Variants in PYGB observed in about 807,000 individuals in gnomAD.
PYGB encodes glycogen phosphorylase, brain form.
PYGB carries 82 observed loss-of-function variants against 94.3 expected under a neutral mutation model. That is an observed-to-expected ratio of 0.87 (90% CI 0.73 to 1.04). The LOEUF is 1.04. Ranked by LOEUF, PYGB falls within the 50% of genes least tolerant of loss-of-function variation. The probability of loss-of-function intolerance (pLI) is 0.00; values close to 1 mark genes in which losing one functional copy is unlikely to be tolerated. For missense variants in PYGB, 1,132 were observed against 1,158.2 expected (o/e 0.98, Z 0.33); for synonymous variants, 488 against 479.1 (o/e 1.02, Z -0.24).
chr20:25,252,280 C>T (rs2092890211), intron 1 of PYGB, among the ~76,000 whole-genome samples: 1 of 152,254 alleles, frequency 6.6e-6, no homozygotes, highest in Admixed American at 6.5e-5. Context: ...GACAGCCTGG[C>T]CTCTGCCCTT....
intron 8 of PYGB, 39 bp from the exon 9 acceptor site, chr20:25,279,018 G>A (rs750224803): frequency 1.3e-6 from 2 of 1,582,510 alleles, no homozygotes; most frequent in Non-Finnish European, 1.7e-6. Flanking sequence ...GCCCACGTGG[G>A]ATGAAATGAC....
At position 25,271,457 on chromosome 20, in the gene PYGB, T is replaced by C. The variant is rs775212865; in HGVS notation, c.499T>C (p.Phe167Leu). 1.9e-6 allele frequency: 3 copies of C among 1,614,162 alleles called. No individual in the cohort carries two copies. Among genetic ancestry groups the C allele is most frequent in the Non-Finnish European group, 1.7e-6 (2 of 1,179,986 alleles). Residue 167 changes from phenylalanine (F) to leucine (L), a missense_variant, in exon 4 of 20, where the codon TTT becomes CTT. Phe to Leu is a conservative substitution (Grantham distance 22). Transcript: ENST00000216962. Reference sequence around the variant, plus strand: ...TGGAATCCGCTATGAATTTGGGATTTTTAACCAGAAGATTGTCAATGGCTG... The same window carrying C: ...TGGAATCCGCTATGAATTTGGGATTCTTAACCAGAAGATTGTCAATGGCTG... ...GYGIRYEFGI[F>L]NQKIVNGWQV...
intron 2 of PYGB, among the ~76,000 whole-genome samples, chr20:25,267,871 AT>A (rs2088231298): frequency 6.6e-6 from 1 of 152,150 alleles, no homozygotes; most frequent in Admixed American, 6.5e-5. Flanking sequence ...TCAAGGTGAC[AT>A]TTGCCCTCCT....
Position 25,248,385 on chromosome 20 carries a change from C to T in PYGB, c.207C>T (p.Ile69=), listed in dbSNP as rs1320651351. The T allele has an allele frequency of 1.1e-5, 17 of 1,589,782 alleles. No homozygotes were observed. The highest frequency in any genetic ancestry group is 1.8e-5 in the Admixed American group (1 of 57,130). ...GCGACCACCTCGTGGGCCGCTGGAT[C>T]CGCACGCAGCAGCACTACTACGAGC... ...TVRDHLVGRW[I]RTQQHYYERD... is the part of the protein sequence containing the mutation. The change falls in exon 1 of 20, where the codon ATC becomes ATT. Residue 69 remains isoleucine, a synonymous_variant. Coordinates refer to ENST00000216962, the MANE Select transcript of PYGB (RefSeq NM_002862.4).
intron 2 of PYGB, among the ~76,000 whole-genome samples, chr20:25,259,546 C>T (rs1044338748): frequency 2.0e-5 from 3 of 152,136 alleles, no homozygotes; most frequent in African/African-American, 4.8e-5. Flanking sequence ...TCGAACGGAC[C>T]GCAAGCGTGG....
rs776654899 is a variant in PYGB at position 25,276,750 on chromosome 20, G to T, written c.765G>T (p.Leu255=). Residue 255 remains leucine, a synonymous_variant, in exon 6 of 20, where the codon CTG becomes CTT. Transcript: ENST00000216962. ...CCAAGGCTCCCAACGACTTCAAGCT[G>T]CAGGACTGTACGTTCCGTGGTTCTT... is the stretch of plus-strand genomic sequence containing the variant. ...WSAKAPNDFK[L]QDFNVGDYIE... is the part of the protein sequence containing the mutation. The T allele has an allele frequency of 1.2e-6, 2 of 1,613,666 alleles. No individual in the cohort carries two copies. Among genetic ancestry groups the T allele is most frequent in the South Asian group, 1.1e-5 (1 of 91,082 alleles).
At chr20:25,280,187 C>T (rs147461318) in intron 9 of PYGB, 79 bp from the exon 10 acceptor site, 26 of 1,529,536 alleles carry the variant, frequency 1.7e-5, no homozygotes, top group Middle Eastern at 1.7e-4. Flanking sequence ...GGATCCTGGA[C>T]GCTCACCCTG....
At chr20:25,261,399 G>A (rs561792858) in intron 2 of PYGB, among the ~76,000 whole-genome samples, 19 of 152,284 alleles carry the variant, frequency 1.2e-4, no homozygotes, top group African/African-American at 3.4e-4. Flanking sequence ...GCAAACTCCA[G>A]CAGACCTGCA....
intron 1 of PYGB, among the ~76,000 whole-genome samples, chr20:25,252,361 TG>T (rs752211577): frequency 1.4e-4 from 22 of 152,242 alleles, no homozygotes; most frequent in African/African-American, 5.3e-4. Context: ...GATGTCCCTC[TG>T]GGGGGGTCGG....
rs1360352025 is a variant in PYGB, at chr20:25,276,748, C to T, written c.763C>T (p.Leu255=). The T allele has an allele frequency of 1.2e-6, 2 of 1,613,704 alleles. No homozygotes were observed. The highest frequency in any genetic ancestry group is 2.2e-5 in the South Asian group (2 of 91,086). Residue 255 remains leucine (L), a synonymous_variant, in exon 6 of 20, where the codon CTG becomes TTG. Coordinates refer to ENST00000216962, the MANE Select transcript of PYGB (RefSeq NM_002862.4). ...CGCCAAGGCTCCCAACGACTTCAAG[C>T]TGCAGGACTGTACGTTCCGTGGTTC... ...WSAKAPNDFK[L]QDFNVGDYIE...
At chr20:25,280,629 C>T (rs1285663079) in intron 10 of PYGB, among the ~76,000 whole-genome samples, 1 of 152,246 alleles carries the variant, frequency 6.6e-6, no homozygotes, top group Non-Finnish European at 1.5e-5. Flanking sequence ...TTAAATTGCA[C>T]GTCCTCTCCC....
At chr20:25,294,843 T>C in intron 18 of PYGB, 3 of 976,400 alleles carry the variant, frequency 3.1e-6, no homozygotes, top group Non-Finnish European at 5.0e-6. Context: ...TCAGGGCAGT[T>C]CTTCACCGTT....
At position 25,259,237 on chromosome 20, in the gene PYGB, C is replaced by T. The variant is rs201508171; in HGVS notation, c.244C>T (p.Arg82Cys). 3.2e-6 allele frequency: 5 copies of T among 1,587,012 alleles called. No homozygotes were observed. Among genetic ancestry groups the T allele is most frequent in the African/African-American group, 1.3e-5 (1 of 74,446 alleles). ...QQHYYERDPK[R>C]IYYLSLEFYM... The stretch of plus-strand genomic sequence containing the variant: ...CTTATTCTTTCTTCTGCTTCCTCAG[C>T]GCATTTATTATCTTTCCCTGGAATT... Residue 82 changes from arginine to cysteine, a missense_variant and splice_region_variant, in exon 2 of 20, where the codon CGC (arginine) becomes TGC (cysteine). Physicochemically the swap from Arg to Cys is radical, Grantham distance 180 (BLOSUM62 -3). Transcript: ENST00000216962.
In PYGB at chr20:25,284,114, T is replaced by A. The variant is rs770160297; in HGVS notation, c.1631T>A (p.Leu544His). 15 of 1,613,782 alleles carry A rather than the reference T, an allele frequency of 9.3e-6. No homozygotes were observed. Among genetic ancestry groups the A allele is most frequent in the Non-Finnish European group, 1.3e-5 (15 of 1,179,904 alleles). The change falls in exon 14 of 20, where the codon CTC becomes CAC. Residue 544 changes from leucine (L) to histidine (H), a missense_variant. By Grantham distance (99) the Leu-to-His change is moderately conservative. Coordinates refer to ENST00000216962, the MANE Select transcript of PYGB (RefSeq NM_002862.4). ...CTTTCACCCTCCCAGGAGAACAAGCTCAAGTTCTCGGCCTTCCTGGAGAAG... is the reference window on the plus strand; with the variant it reads ...CTTTCACCCTCCCAGGAGAACAAGCACAAGTTCTCGGCCTTCCTGGAGAAG... Reference protein sequence around the residue: ...DVAKVKQENKLKFSAFLEKEY... With the variant: ...DVAKVKQENKHKFSAFLEKEY...
intron 2 of PYGB, among the ~76,000 whole-genome samples, chr20:25,263,319 A>G (rs914287810): frequency 2.6e-5 from 4 of 152,214 alleles, no homozygotes; most frequent in Non-Finnish European, 4.4e-5. Context: ...CACTCACTCA[A>G]AACCACACAA....
At chr20:25,284,459 T>TA (rs1335926072) in intron 14 of PYGB, among the ~76,000 whole-genome samples, 2 of 152,190 alleles carry the variant, frequency 1.3e-5, no homozygotes, top group African/African-American at 2.4e-5. Context: ...GGTGAACAGT[T>TA]AGACACCCGA....
chr20:25,295,727 G>T, intron 19 of PYGB, 57 bp downstream of exon 19: 8 of 1,515,350 alleles, frequency 5.3e-6, no homozygotes, highest in Non-Finnish European at 7.3e-6. Context: ...ATGTAGACGT[G>T]TTGGGTCAGA....
At chr20:25,269,725 C>T (rs777615275) in intron 3 of PYGB, among the ~76,000 whole-genome samples, 5 of 152,174 alleles carry the variant, frequency 3.3e-5, no homozygotes, top group Non-Finnish European at 5.9e-5. Context: ...GGGCTTCCTA[C>T]GCTCAAGGGA....
At chr20:25,293,915 C>T (rs1246958325) in intron 17 of PYGB, 3 of 551,224 alleles carry the variant, frequency 5.4e-6, no homozygotes, top group Middle Eastern at 4.9e-4. Flanking sequence ...GATGACATTT[C>T]TTTAACAGTC....
Sources: gnomAD v4.1 joint callset for allele counts (sites outside exome capture counted in the v4.1 genomes callset) on GRCh38, gnomAD v4.1.1 for gene constraint, MANE v1.5 for transcripts, NCBI Gene and HGNC (gene_info 2026-07-23, HGNC 2026-07-21) for gene names.